AGAP1: variants seen among roughly 807,000 people sequenced by gnomAD.
AGAP1 encodes the protein arf-GAP with GTPase, ANK repeat and PH domain-containing protein 1.
A neutral mutation model predicts 105.3 loss-of-function variants in AGAP1; 29 were observed. That is an observed-to-expected ratio of 0.28 (90% confidence interval 0.21 to 0.38). The LOEUF is 0.38. Ranked by LOEUF, AGAP1 falls within the 10% of genes least tolerant of loss-of-function variation. The probability of loss-of-function intolerance (pLI) is 1.00; values close to 1 mark genes in which losing one functional copy is unlikely to be tolerated. For synonymous variants in AGAP1, 509 were observed against 485.9 expected, an observed-to-expected ratio of 1.05 and a Z score of -0.63; for missense variants, 998 against 1,165.1, an observed-to-expected ratio of 0.86 and a Z score of 2.09.
At chr2:235,829,341 G>A (rs867786641) in intron 9 of AGAP1, among the ~76,000 whole-genome samples, 4 of 152,228 alleles carry the variant, frequency 2.6e-5, no homozygotes, top group African/African-American at 9.6e-5. Flanking sequence ...ATGTGATGGG[G>A]CAGCATTAGC....
chr2:235,669,774 T>C (rs1948273773), intron 1 of AGAP1: 1 of 147,176 alleles, frequency 6.8e-6, no homozygotes, highest in Non-Finnish European at 1.5e-5. Flanking sequence ...TCGTAGACAA[T>C]GAAGCCGCGG....
At chr2:235,543,109 G>T (rs867115857) in intron 1 of AGAP1, among the ~76,000 whole-genome samples, 1 of 50,010 alleles carries the variant, frequency 2.0e-5, no homozygotes, top group African/African-American at 8.0e-5. Context: ...CCCCCCCCCC[G>T]CCCCCTGCCC....
chr2:235,930,971 T>C lies in AGAP1; in HGVS notation c.1483+48T>C, dbSNP rs760806048. ...GGACCCGCAGCCACCTCAAGGTCCTTCGTTGTAAGCCAGGGGCTGGACAGG... is the reference window on the plus strand; with the variant it reads ...GGACCCGCAGCCACCTCAAGGTCCTCCGTTGTAAGCCAGGGGCTGGACAGG... On this transcript the variant is annotated intron_variant, in intron 12 of 17. Transcript: ENST00000304032. The surrounding 1 kb of genome is among the most constrained non-coding windows in gnomAD (Gnocchi z 7.9). The C allele has an allele frequency of 1.3e-6, 2 of 1,596,398 alleles. No homozygotes were observed. Among genetic ancestry groups the C allele is most frequent in the Non-Finnish European group, 1.7e-6 (2 of 1,170,604 alleles).
chr2:235,617,703 A>G (rs1946351310), intron 1 of AGAP1, among the ~76,000 whole-genome samples: 1 of 152,234 alleles, frequency 6.6e-6, no homozygotes, highest in South Asian at 2.1e-4. Flanking sequence ...TTCCATCTCA[A>G]ACAAACAAAA....
intron 9 of AGAP1, among the ~76,000 whole-genome samples, chr2:235,849,137 T>C (rs919128285): frequency 2.0e-5 from 3 of 152,336 alleles, no homozygotes; most frequent in Admixed American, 2.0e-4. Context: ...ATAAAAGATG[T>C]CTCATAATCT....
In AGAP1 at chr2:235,905,474, C is replaced by T. The variant is rs1365721171; in HGVS notation, c.1156-3264C>T. 1.3e-5 allele frequency among the ~76,000 whole-genome samples: 2 copies of T among 152,186 alleles called. No individual in the cohort carries two copies. The highest frequency in any genetic ancestry group is 6.5e-5 in the Admixed American group (1 of 15,278). ...TAGGAAGTGACCAACACTCACCACT[C>T]TACGGTGTGCTTTTCCTTTCTTTTC... On this transcript the variant is annotated intron_variant, in intron 10 of 17. Transcript: ENST00000304032. This position sits in a 1 kb window ranked among gnomAD's most constrained non-coding sequence, Gnocchi z 4.2.
chr2:235,744,668 C>T lies in AGAP1; in HGVS notation c.397-30C>T, dbSNP rs1381113297. 1.2e-6 allele frequency: 2 copies of T among 1,613,658 alleles called. No individual in the cohort carries two copies. The highest frequency in any genetic ancestry group is 2.2e-5 in the South Asian group (2 of 91,000). ...CTTAATCAAGCCTGCTCACTCAGCT[C>T]CTGCTCTCCTCCCCTTCTTCTCTCC... On this transcript the variant is annotated intron_variant, in intron 4 of 17. Transcript: ENST00000304032. This position sits in a 1 kb window ranked among gnomAD's most constrained non-coding sequence, Gnocchi z 5.2.
At chr2:235,641,053 T>G (rs1947172763) in intron 1 of AGAP1, among the ~76,000 whole-genome samples, 1 of 152,202 alleles carries the variant, frequency 6.6e-6, no homozygotes, top group Non-Finnish European at 1.5e-5. Flanking sequence ...TTGCCTACAA[T>G]AGTTCTTTTT....
chr2:235,602,111 G>A (rs1417289480), intron 1 of AGAP1, among the ~76,000 whole-genome samples: 1 of 152,224 alleles, frequency 6.6e-6, no homozygotes, highest in African/African-American at 2.4e-5. Flanking sequence ...ACCTGCTTCT[G>A]TATGGCTTTC....
chr2:235,495,639 G>A (rs1941284218), intron 1 of AGAP1, among the ~76,000 whole-genome samples: 1 of 152,254 alleles, frequency 6.6e-6, no homozygotes, highest in African/African-American at 2.4e-5. Context: ...CAGGGCCATG[G>A]CCTTCCAGGA....
rs1405406370 is a variant in AGAP1 at position 235,663,828 on chromosome 2, A to G, written c.164-45351A>G. 6.6e-6 allele frequency among the ~76,000 whole-genome samples: 1 copy of G among 152,202 alleles called. No homozygotes were observed. Among genetic ancestry groups the G allele is most frequent in the Non-Finnish European group, 1.5e-5 (1 of 68,038 alleles). On this transcript the variant is annotated intron_variant, in intron 1 of 17. Coordinates refer to ENST00000304032, the MANE Select transcript of AGAP1 (RefSeq NM_001037131.3). The surrounding 1 kb of genome is among the most constrained non-coding windows in gnomAD (Gnocchi z 5.4). ...AGACCATCGTACAGATGGCGATATT[A>G]GAAGAGTTCCCTCCCGTGAATCCTG...
At chr2:235,821,387 T>A (rs1310747004) in intron 9 of AGAP1, among the ~76,000 whole-genome samples, 1 of 150,598 alleles carries the variant, frequency 6.6e-6, no homozygotes, top group African/African-American at 2.4e-5. Flanking sequence ...CTTCAATTTT[T>A]TTTTTTTTTT....
rs2049166423 is a variant in AGAP1 at position 235,866,293 on chromosome 2, A to G, written c.1051-17052A>G. On this transcript the variant is annotated intron_variant, in intron 9 of 17. Transcript: ENST00000304032. This position sits in a 1 kb window ranked among gnomAD's most constrained non-coding sequence, Gnocchi z 6.1. ...ACTGATGTGGGAATCTGGGAGCCCG[A>G]GCCGACTCAGACAGTCCTGACTCCC... 6.6e-6 allele frequency among the ~76,000 whole-genome samples: 1 copy of G among 152,154 alleles called. No individual in the cohort carries two copies. The highest frequency in any genetic ancestry group is 2.4e-5 in the African/African-American group (1 of 41,440).
chr2:235,640,612 A>G (rs149881667), intron 1 of AGAP1, among the ~76,000 whole-genome samples: 3 of 152,206 alleles, frequency 2.0e-5, no homozygotes, highest in Admixed American at 6.5e-5. Context: ...CTAATTGGCA[A>G]TGACTGCAGG....
chr2:236,003,517 G>A lies in AGAP1; in HGVS notation c.1646-33044G>A, dbSNP rs2056207863. Among the ~76,000 whole-genome samples the A allele has an allele frequency of 6.6e-6, 1 of 152,202 alleles. No individual in the cohort carries two copies. The highest frequency in any genetic ancestry group is 2.4e-5 in the African/African-American group (1 of 41,450). ...AGGTGGACTCTGAGCACAGACAAGGGACCCATGGCCCAGAGCCCAGAGTCA... is the reference window on the plus strand; with the variant it reads ...AGGTGGACTCTGAGCACAGACAAGGAACCCATGGCCCAGAGCCCAGAGTCA... On this transcript the variant is annotated intron_variant, in intron 13 of 17. Transcript: ENST00000304032. This position sits in a 1 kb window ranked among gnomAD's most constrained non-coding sequence, Gnocchi z 4.2.
At chr2:235,938,097 A>G (rs1220618486) in intron 12 of AGAP1, among the ~76,000 whole-genome samples, 3 of 152,366 alleles carry the variant, frequency 2.0e-5, no homozygotes, top group Non-Finnish European at 4.4e-5. Flanking sequence ...GCCTGGCGGC[A>G]CGGCCGGTTC....
chr2:235,536,331 T>C (rs1455372093), intron 1 of AGAP1, among the ~76,000 whole-genome samples: 1 of 19,666 alleles, frequency 5.1e-5, no homozygotes, highest in African/African-American at 3.3e-4. Context: ...AGCAGGACCC[T>C]GGGGTTTGTG....
chr2:235,514,975 A>AT (rs1942318761), intron 1 of AGAP1, among the ~76,000 whole-genome samples: 1 of 152,186 alleles, frequency 6.6e-6, no homozygotes, highest in South Asian at 2.1e-4. Context: ...TACTCAGGCC[A>AT]TTGAGGTTGC....
Position 235,797,810 on chromosome 2 carries a change from C to G in AGAP1, c.725C>G (p.Pro242Arg). The G allele has an allele frequency of 6.2e-7, 1 of 1,614,122 alleles. No homozygotes were observed. Among genetic ancestry groups the G allele is most frequent in the Non-Finnish European group, 8.5e-7 (1 of 1,180,010 alleles). ...TRKKQQLSIG[P>R]CKSLPNSPSH... ...AAGAAGCAGCAGCTGTCCATAGGAC[C>G]CTGCAAGTCGCTACCTAATTCTCCC... The change falls in exon 7 of 18, where the codon CCC becomes CGC. Residue 242 changes from proline to arginine, a missense_variant. Around this residue, in one of 3 missense-constraint regions of AGAP1, gnomAD observed 735 missense variants for 833.4 expected, o/e 0.88. Coordinates refer to ENST00000304032, the MANE Select transcript of AGAP1 (RefSeq NM_001037131.3).
Sources: gnomAD v4.1 joint callset for allele counts (sites outside exome capture counted in the v4.1 genomes callset) on GRCh38, gnomAD v4.1.1 for gene constraint, gnomAD v4.1.1 regional missense constraint, Gnocchi (gnomAD v3.1) non-coding constraint, MANE v1.5 for transcripts, NCBI Gene and HGNC (gene_info 2026-07-23, HGNC 2026-07-21) for gene names.